Variants in CTNNA3 observed in about 807,000 individuals in gnomAD.
CTNNA3 encodes the protein catenin alpha-3.
In CTNNA3, 76 loss-of-function variants were observed where a neutral mutation model predicts 95.7. That is an observed-to-expected ratio of 0.79 (90% CI 0.66 to 0.96). CTNNA3 has a LOEUF of 0.96. CTNNA3 is among the 40% of genes least tolerant of loss of function. CTNNA3 has a pLI of 0.00. For synonymous variants in CTNNA3, 431 were observed against 374.4 expected (o/e 1.15, Z -1.74); for missense variants, 1,191 against 1,089.8 (o/e 1.09, Z -1.31).
chr10:67,219,550 T>C (rs1456780848), intron 6 of CTNNA3, 57 bp downstream of exon 6: 13 of 1,501,714 alleles, frequency 8.7e-6, no homozygotes, highest in Non-Finnish European at 1.1e-5. Flanking sequence ...TTCTGTTTTA[T>C]TATTATTATT....
chr10:67,200,856 A>G (rs2132208776), intron 6 of CTNNA3, among the ~76,000 whole-genome samples: 1 of 152,326 alleles, frequency 6.6e-6, no homozygotes, highest in Non-Finnish European at 1.5e-5. Context: ...AAATATTAAG[A>G]CTTAGAAATT....
chr10:67,480,177 C>A (rs1311870215), intron 5 of CTNNA3, among the ~76,000 whole-genome samples: 1 of 151,950 alleles, frequency 6.6e-6, no homozygotes, highest in Admixed American at 6.6e-5. Flanking sequence ...GAGTTTATAG[C>A]AATCCTACTG....
intron 11 of CTNNA3, among the ~76,000 whole-genome samples, chr10:66,450,925 G>T (rs1272280024): frequency 1.3e-5 from 2 of 152,060 alleles, no homozygotes; most frequent in African/African-American, 4.8e-5. Context: ...CATTTTTCCG[G>T]TTTTAGCAGT....
intron 12 of CTNNA3, among the ~76,000 whole-genome samples, chr10:66,360,853 CTTTCCTTTCTCTTTCTT>C (rs2092667042): frequency 8.8e-6 from 1 of 114,186 alleles, no homozygotes; most frequent in Non-Finnish European, 1.7e-5. Flanking sequence ...TTCTTTCTTT[CTTTCCTTTCTCTTTCTT>C]TTTCTTTCTT....
chr10:66,275,437 T>A (rs1348102524), intron 13 of CTNNA3, among the ~76,000 whole-genome samples: 1 of 150,000 alleles, frequency 6.7e-6, no homozygotes, highest in Non-Finnish European at 1.5e-5. Flanking sequence ...GACAGTCTCA[T>A]TTTTTTCATC....
chr10:66,564,498 G>A (rs1842646647), intron 10 of CTNNA3, among the ~76,000 whole-genome samples: 1 of 152,122 alleles, frequency 6.6e-6, no homozygotes, highest in African/African-American at 2.4e-5. Context: ...AAGTGATGAT[G>A]CCATTGGGAT....
In CTNNA3 at chr10:66,327,596, A is replaced by G. The variant is rs151178101; in HGVS notation, c.1733-46975T>C. Among the ~76,000 whole-genome samples the G allele has an allele frequency of 7.2e-3, 1,092 of 152,084 alleles. 17 individuals are homozygous for G. The highest frequency in any genetic ancestry group is 0.024 in the African/African-American group (1,016 of 41,524). ...GTTCAAATTTTGCATTCTAGAATCA[A>G]TTACCCTATCAATTTTCCCTCAAAA... On this transcript the variant is annotated intron_variant, in intron 12 of 17. Transcript: ENST00000433211.
intron 13 of CTNNA3, among the ~76,000 whole-genome samples, chr10:66,271,304 A>G (rs1351379145): frequency 2.6e-5 from 4 of 152,154 alleles, no homozygotes; most frequent in Non-Finnish European, 5.9e-5. Flanking sequence ...TTGTATTCCC[A>G]TATTATTTTC....
chr10:67,060,319 A>T (rs559349660), intron 7 of CTNNA3, among the ~76,000 whole-genome samples: 9 of 152,236 alleles, frequency 5.9e-5, no homozygotes, highest in African/African-American at 2.2e-4. Context: ...TCTCAAAGAA[A>T]AGTCTTTTTA....
intron 8 of CTNNA3, among the ~76,000 whole-genome samples, chr10:66,769,146 G>T (rs1217213242): frequency 6.6e-6 from 1 of 152,118 alleles, no homozygotes; most frequent in African/African-American, 2.4e-5. Flanking sequence ...CCTTTGCTTT[G>T]CTGGAAATAC....
chr10:67,226,325 C>T (rs542860731), intron 5 of CTNNA3, among the ~76,000 whole-genome samples: 1 of 152,218 alleles, frequency 6.6e-6, no homozygotes, highest in South Asian at 2.1e-4. Flanking sequence ...GGAAAACTTC[C>T]CCAGCCTTGC....
intron 10 of CTNNA3, among the ~76,000 whole-genome samples, chr10:66,607,764 A>G (rs1844181320): frequency 6.6e-6 from 1 of 152,180 alleles, no homozygotes; most frequent in African/African-American, 2.4e-5. Flanking sequence ...TATGTCAAAC[A>G]TGCTCAATAA....
chr10:66,880,812 T>C (rs543095264), intron 7 of CTNNA3, among the ~76,000 whole-genome samples: 3 of 152,268 alleles, frequency 2.0e-5, no homozygotes, highest in East Asian at 1.9e-4. Flanking sequence ...ATAGCAGTTT[T>C]CCTAAAATGC....
chr10:67,561,786 A>G (rs1313106632), intron 3 of CTNNA3, among the ~76,000 whole-genome samples: 1 of 152,182 alleles, frequency 6.6e-6, no homozygotes, highest in African/African-American at 2.4e-5. Flanking sequence ...AACAGATCCA[A>G]TAAAAAATGA....
chr10:66,432,383 G>A (rs2093304169), intron 11 of CTNNA3, among the ~76,000 whole-genome samples: 1 of 152,160 alleles, frequency 6.6e-6, no homozygotes. Flanking sequence ...GATACGCCAG[G>A]TGCGGTGGCT....
chr10:67,179,494 C>CAAAAA (rs35292826), intron 7 of CTNNA3, among the ~76,000 whole-genome samples: 9 of 85,274 alleles, frequency 1.1e-4, no homozygotes, highest in African/African-American at 2.8e-4. Context: ...GCTAAAACTT[C>CAAAAA]AAAAAAAAAA....
intron 13 of CTNNA3, among the ~76,000 whole-genome samples, chr10:66,195,426 G>T (rs1589695840): frequency 6.6e-6 from 1 of 152,130 alleles, no homozygotes; most frequent in Non-Finnish European, 1.5e-5. Flanking sequence ...CATGGATAAT[G>T]TAAATAATAT....
In CTNNA3 at chr10:66,595,471, G is replaced by A. The variant is rs925615081; in HGVS notation, c.1374+26221C>T. 1.2e-4 allele frequency among the ~76,000 whole-genome samples: 18 copies of A among 151,906 alleles called. No individual in the cohort carries two copies. In the South Asian group the frequency reaches 2.5e-3, roughly 21 times the overall value. ...CAATTCTCCTGCCTCAGCCTCCTGG[G>A]TATTACAGGCGCATGCCACCACATC... On this transcript the variant is annotated intron_variant, in intron 10 of 17. Coordinates refer to ENST00000433211, the MANE Select transcript of CTNNA3 (RefSeq NM_013266.4).
intron 14 of CTNNA3, among the ~76,000 whole-genome samples, chr10:66,081,262 A>G (rs1458162129): frequency 6.6e-6 from 1 of 152,096 alleles, no homozygotes; most frequent in Non-Finnish European, 1.5e-5. Context: ...TTGAGTATGA[A>G]TCATCCTATG....
Sources: gnomAD v4.1 joint callset for allele counts (sites outside exome capture counted in the v4.1 genomes callset) on GRCh38, gnomAD v4.1.1 for gene constraint, MANE v1.5 for transcripts, NCBI Gene and HGNC (gene_info 2026-07-23, HGNC 2026-07-21) for gene names.